Variants in FBXL17 observed in about 807,000 individuals in gnomAD.
The protein encoded by FBXL17 is F-box and leucine rich repeat protein 17.
FBXL17 carries 22 observed loss-of-function variants against 66.2 expected under a neutral mutation model. The observed-to-expected ratio is 0.33, with a 90% CI of 0.24 to 0.47. The LOEUF is 0.47. Among genes scored for constraint, FBXL17 ranks in the 20% least tolerant of loss-of-function variants. The pLI is 1.00. For synonymous variants in FBXL17, 474 were observed against 400.5 expected (o/e 1.18, Z -2.19); for missense variants, 878 against 948.2 (o/e 0.93, Z 0.97).
At chr5:108,327,690 T>G (rs937854332) in intron 4 of FBXL17, among the ~76,000 whole-genome samples, 8 of 152,172 alleles carry the variant, frequency 5.3e-5, no homozygotes, top group African/African-American at 1.9e-4. Flanking sequence ...AAAGGCTAAC[T>G]GAACCTCAAA....
intron 7 of FBXL17, among the ~76,000 whole-genome samples, chr5:107,903,852 A>G (rs1285757063): frequency 6.6e-6 from 1 of 152,138 alleles, no homozygotes; most frequent in East Asian, 1.9e-4. Flanking sequence ...CTTCAGAATC[A>G]ATTTTCCTCT....
At chr5:108,165,237 T>C (rs1162070154) in intron 6 of FBXL17, among the ~76,000 whole-genome samples, 3 of 152,096 alleles carry the variant, frequency 2.0e-5, no homozygotes, top group African/African-American at 2.4e-5. Context: ...CAAAAAGAAG[T>C]TGAGTGACAG....
intron 7 of FBXL17, among the ~76,000 whole-genome samples, chr5:107,968,333 T>C (rs890693785): frequency 6.6e-6 from 1 of 152,142 alleles, no homozygotes; most frequent in African/African-American, 2.4e-5. Flanking sequence ...AAAGAGTTCC[T>C]GAAAATTCAA....
chr5:108,184,656 A>C (rs1317378761), intron 6 of FBXL17, among the ~76,000 whole-genome samples: 5 of 146,396 alleles, frequency 3.4e-5, no homozygotes, highest in African/African-American at 1.0e-4. Flanking sequence ...AGGCAAGAGA[A>C]TCCCTTGAAC....
At position 108,364,927 on chromosome 5, in the gene FBXL17, A is replaced by G. The variant is rs769605004; in HGVS notation, c.1185T>C (p.Asp395=). The change falls in exon 3 of 9, where the codon GAT becomes GAC. Residue 395 remains aspartate, a synonymous_variant. Coordinates refer to ENST00000542267, the MANE Select transcript of FBXL17 (RefSeq NM_001163315.3). ...CGCCATTATCAGACATACTGCGACAATCAGAAATGTTGATTTCAATTATAT... is the reference window on the plus strand; with the variant it reads ...CGCCATTATCAGACATACTGCGACAGTCAGAAATGTTGATTTCAATTATAT... ...SQNIIEINIS[D]CRSMSDNGVC... is the part of the protein sequence containing the mutation. 3.7e-6 allele frequency: 6 copies of G among 1,612,276 alleles called. No individual in the cohort carries two copies. In the South Asian group the frequency reaches 6.6e-5, roughly 18 times the overall value.
chr5:108,210,031 T>G (rs1292690924), intron 5 of FBXL17, among the ~76,000 whole-genome samples: 1 of 152,224 alleles, frequency 6.6e-6, no homozygotes, highest in Non-Finnish European at 1.5e-5. Flanking sequence ...CTTCCTCATT[T>G]AGACTTGGGA....
intron 6 of FBXL17, among the ~76,000 whole-genome samples, chr5:108,115,357 A>T (rs970091973): frequency 2.0e-5 from 3 of 152,130 alleles, no homozygotes; most frequent in African/African-American, 7.2e-5. Context: ...TACAAAAAAA[A>T]ATTATAGTAT....
At chr5:108,272,061 T>C (rs565160243) in intron 4 of FBXL17, among the ~76,000 whole-genome samples, 5 of 152,198 alleles carry the variant, frequency 3.3e-5, no homozygotes, top group African/African-American at 1.2e-4. Flanking sequence ...GAGGCCGAGA[T>C]GGGAGGATCA....
intron 7 of FBXL17, among the ~76,000 whole-genome samples, chr5:107,922,049 G>A (rs976808429): frequency 6.6e-6 from 1 of 152,192 alleles, no homozygotes; most frequent in South Asian, 2.1e-4. Context: ...AAGACAGAGA[G>A]AGGCCAATAA....
chr5:108,101,837 G>C (rs900171901), intron 6 of FBXL17, among the ~76,000 whole-genome samples: 6 of 152,174 alleles, frequency 3.9e-5, no homozygotes, highest in African/African-American at 1.4e-4. Context: ...ATACAGAATT[G>C]ACTGTACAGG....
intron 6 of FBXL17, among the ~76,000 whole-genome samples, chr5:108,111,354 G>C (rs1457045121): frequency 6.6e-6 from 1 of 152,128 alleles, no homozygotes; most frequent in Non-Finnish European, 1.5e-5. Flanking sequence ...ATATAACTTA[G>C]ATATCAATGT....
chr5:108,237,701 A>C (rs1755669117), intron 4 of FBXL17, among the ~76,000 whole-genome samples: 1 of 152,120 alleles, frequency 6.6e-6, no homozygotes. Flanking sequence ...AACTAAAGGA[A>C]TATTTCGGCC....
intron 6 of FBXL17, among the ~76,000 whole-genome samples, chr5:108,133,698 A>G (rs1301845341): frequency 6.6e-6 from 1 of 152,182 alleles, no homozygotes; most frequent in Non-Finnish European, 1.5e-5. Flanking sequence ...AAGGAAGAGA[A>G]AAACATAAAA....
chr5:107,945,344 G>A (rs1331606416), intron 7 of FBXL17, among the ~76,000 whole-genome samples: 1 of 152,070 alleles, frequency 6.6e-6, no homozygotes, highest in African/African-American at 2.4e-5. Context: ...ACTTTGGAGA[G>A]CAAATTGGCA....
chr5:108,365,015 A>G lies in FBXL17; in HGVS notation c.1117-20T>C. The G allele has an allele frequency of 1.3e-6, 2 of 1,566,260 alleles. No homozygotes were observed. Among genetic ancestry groups the G allele is most frequent in the South Asian group, 1.2e-5 (1 of 85,632 alleles). On this transcript the variant is annotated intron_variant, in intron 2 of 8. Coordinates refer to ENST00000542267, the MANE Select transcript of FBXL17 (RefSeq NM_001163315.3). ...AGTGACCTGTAAGAGAAAAAGCAATAAATTTAAACTTTTGCTAAAAATAAA... is the reference window on the plus strand; with the variant it reads ...AGTGACCTGTAAGAGAAAAAGCAATGAATTTAAACTTTTGCTAAAAATAAA...
chr5:108,063,552 A>C (rs1197872678), intron 6 of FBXL17, among the ~76,000 whole-genome samples: 2 of 152,212 alleles, frequency 1.3e-5, no homozygotes, highest in Admixed American at 6.5e-5. Flanking sequence ...GTAGAGAAAC[A>C]AGAAACCCAA....
At chr5:107,914,796 C>T (rs1422330445) in intron 7 of FBXL17, among the ~76,000 whole-genome samples, 1 of 152,130 alleles carries the variant, frequency 6.6e-6, no homozygotes, top group Non-Finnish European at 1.5e-5. Context: ...TTGAGTAAGA[C>T]AAAGTGGAAG....
At chr5:108,181,626 T>C (rs1753006475) in intron 6 of FBXL17, among the ~76,000 whole-genome samples, 1 of 152,176 alleles carries the variant, frequency 6.6e-6, no homozygotes. Context: ...AAATGTTATA[T>C]ATAAAGGACT....
chr5:108,155,299 G>A (rs1223034479), intron 6 of FBXL17, among the ~76,000 whole-genome samples: 1 of 152,034 alleles, frequency 6.6e-6, no homozygotes, highest in Non-Finnish European at 1.5e-5. Flanking sequence ...GGCAGATCAC[G>A]AGGTCTGGAG....
Sources: gnomAD v4.1 joint callset for allele counts (sites outside exome capture counted in the v4.1 genomes callset) on GRCh38, gnomAD v4.1.1 for gene constraint, MANE v1.5 for transcripts, NCBI Gene and HGNC (gene_info 2026-07-23, HGNC 2026-07-21) for gene names.